Variants in MACROD2 observed in about 807,000 individuals in gnomAD.
MACROD2 encodes the protein ADP-ribose glycohydrolase MACROD2.
MACROD2 carries 36 observed loss-of-function variants against 70.4 expected under a neutral mutation model. That is an observed-to-expected ratio of 0.51 (90% CI 0.39 to 0.68). The LOEUF (loss-of-function observed/expected upper bound fraction) is 0.68, where lower values mean the gene tolerates loss of function less well. Among genes scored for constraint, MACROD2 ranks in the 30% least tolerant of loss-of-function variants. The pLI is 0.00. For synonymous variants in MACROD2, 172 were observed against 178.8 expected, an observed-to-expected ratio of 0.96 and a Z score of 0.30; for missense variants, 496 against 538.4, an observed-to-expected ratio of 0.92 and a Z score of 0.78.
intron 5 of MACROD2, among the ~76,000 whole-genome samples, chr20:14,826,077 A>C (rs547869945): frequency 1.3e-5 from 2 of 152,274 alleles, no homozygotes; most frequent in South Asian, 4.1e-4. Context: ...GTTTTGCTAG[A>C]GACAATAAAA....
chr20:14,320,132 A>T (rs1361230891), intron 3 of MACROD2, among the ~76,000 whole-genome samples: 1 of 152,216 alleles, frequency 6.6e-6, no homozygotes, highest in Non-Finnish European at 1.5e-5. Flanking sequence ...CAAAGCCAAC[A>T]TTTACAAAAT....
At chr20:14,764,877 C>G (rs974903487) in intron 5 of MACROD2, among the ~76,000 whole-genome samples, 2 of 151,882 alleles carry the variant, frequency 1.3e-5, no homozygotes, top group Non-Finnish European at 2.9e-5. Flanking sequence ...AGAGGGGGAT[C>G]AGGATGGATG....
rs370330293 is a variant in MACROD2, at chr20:14,300,481, C to T, written c.272-192998C>T. 3.6e-4 allele frequency among the ~76,000 whole-genome samples: 55 copies of T among 152,182 alleles called. 1 individual carries two copies. Among genetic ancestry groups the T allele is most frequent in the African/African-American group, 1.1e-3 (46 of 41,518 alleles). ...GGGTTTTTGTTGTTGTTGTTGTTGT[C>T]GTTAATGGTACATTTATTTCAAGTG... On this transcript the variant is annotated intron_variant, in intron 3 of 17. Transcript: ENST00000684519.
intron 5 of MACROD2, among the ~76,000 whole-genome samples, chr20:15,187,053 C>T (rs1234835960): frequency 6.6e-6 from 1 of 152,006 alleles, no homozygotes; most frequent in East Asian, 1.9e-4. Context: ...GTGAACAGTC[C>T]ATAGCACCAC....
At chr20:15,384,397 A>T (rs1298801725) in intron 6 of MACROD2, among the ~76,000 whole-genome samples, 1 of 152,088 alleles carries the variant, frequency 6.6e-6, no homozygotes, top group Admixed American at 6.6e-5. Flanking sequence ...AGTAGTTGGG[A>T]CCACAGGTAT....
intron 2 of MACROD2, among the ~76,000 whole-genome samples, chr20:14,079,928 G>A (rs2053967699): frequency 6.6e-6 from 1 of 152,086 alleles, no homozygotes; most frequent in South Asian, 2.1e-4. Context: ...CCCAGTCTGT[G>A]GAAAAATTGT....
chr20:14,706,142 C>T (rs189889777), intron 5 of MACROD2, among the ~76,000 whole-genome samples: 124 of 151,988 alleles, frequency 8.2e-4, no homozygotes, highest in Admixed American at 2.0e-3. Context: ...GATGAAACCC[C>T]GTCTCTACTA....
intron 6 of MACROD2, among the ~76,000 whole-genome samples, chr20:15,313,418 A>G (rs6135382): frequency 0.18 from 26,518 of 151,006 alleles, 2,647 homozygotes; most frequent in Non-Finnish European, 0.23. Context: ...GAGGCAGGAG[A>G]ATGGCATGAT....
In MACROD2 at chr20:14,013,642, T is replaced by C. The variant is rs1383092435; in HGVS notation, c.163+11238T>C. Among the ~76,000 whole-genome samples, 7 of 151,642 alleles carry C rather than the reference T, an allele frequency of 4.6e-5. No individual in the cohort carries two copies. The East Asian group carries it at 1.4e-3, about 29-fold the overall frequency. ...TCATTGTGTATTGCAGTGTGTACCA[T>C]TAAGTATTATGTAAATTGTCCTTAT... On this transcript the variant is annotated intron_variant, in intron 2 of 17. Transcript: ENST00000684519.
At chr20:14,370,552 C>T (rs1403042699) in intron 3 of MACROD2, among the ~76,000 whole-genome samples, 2 of 151,996 alleles carry the variant, frequency 1.3e-5, no homozygotes, top group East Asian at 3.9e-4. Flanking sequence ...GATGAAATTC[C>T]CATAAGGAGT....
chr20:15,588,342 G>C (rs1294342796), intron 8 of MACROD2, among the ~76,000 whole-genome samples: 1 of 152,148 alleles, frequency 6.6e-6, no homozygotes, highest in Admixed American at 6.5e-5. Context: ...CCGGGCCTCT[G>C]AGCCTGTGAT....
intron 3 of MACROD2, among the ~76,000 whole-genome samples, chr20:14,248,227 G>T (rs933731892): frequency 6.6e-6 from 1 of 152,186 alleles, no homozygotes; most frequent in African/African-American, 2.4e-5. Context: ...GGCTGAGATA[G>T]TGACACCTTT....
chr20:14,888,593 T>C (rs1187927356), intron 5 of MACROD2: 1 of 152,168 alleles, frequency 6.6e-6, no homozygotes, highest in Non-Finnish European at 1.5e-5. Flanking sequence ...CCCAATTAAA[T>C]AAAATTAATT....
chr20:14,971,323 T>C (rs1344974379), intron 5 of MACROD2, among the ~76,000 whole-genome samples: 1 of 152,030 alleles, frequency 6.6e-6, no homozygotes, highest in African/African-American at 2.4e-5. Flanking sequence ...AAATATTGGT[T>C]GAATCCATGG....
intron 5 of MACROD2, among the ~76,000 whole-genome samples, chr20:15,051,107 A>G (rs896467783): frequency 6.8e-6 from 1 of 147,584 alleles, no homozygotes; most frequent in African/African-American, 2.4e-5. Context: ...TGCCAAGAGA[A>G]CCCACTTTTC....
chr20:14,904,947 T>G (rs1265577301), intron 5 of MACROD2: 1 of 152,182 alleles, frequency 6.6e-6, no homozygotes, highest in Non-Finnish European at 1.5e-5. Flanking sequence ...CTGCTGAGAT[T>G]TAATAGCTTC....
intron 2 of MACROD2, among the ~76,000 whole-genome samples, chr20:14,029,298 G>T (rs1338593020): frequency 6.6e-6 from 1 of 151,986 alleles, no homozygotes; most frequent in Non-Finnish European, 1.5e-5. Flanking sequence ...ACATGTTAGG[G>T]GAAAAAACGC....
intron 8 of MACROD2, among the ~76,000 whole-genome samples, chr20:15,551,688 G>A (rs967080850): frequency 2.0e-5 from 3 of 151,916 alleles, no homozygotes; most frequent in Non-Finnish European, 4.4e-5. Context: ...GGGCAACATG[G>A]CGGAACCCCG....
At chr20:15,448,068 G>A (rs1322369220) in intron 7 of MACROD2, among the ~76,000 whole-genome samples, 1 of 152,082 alleles carries the variant, frequency 6.6e-6, no homozygotes, top group East Asian at 1.9e-4. Context: ...TTCACCATTA[G>A]TAATGTCAAG....
Sources: gnomAD v4.1 joint callset for allele counts (sites outside exome capture counted in the v4.1 genomes callset) on GRCh38, gnomAD v4.1.1 for gene constraint, MANE v1.5 for transcripts, NCBI Gene and HGNC (gene_info 2026-07-23, HGNC 2026-07-21) for gene names.